Variants in CDC14B observed in about 807,000 individuals in gnomAD.
CDC14B encodes the protein dual specificity protein phosphatase CDC14B.
A neutral mutation model predicts 64.2 loss-of-function variants in CDC14B; 22 were observed. That is an observed-to-expected ratio of 0.34 (90% CI 0.24 to 0.49). The LOEUF (loss-of-function observed/expected upper bound fraction) is 0.49, where lower values mean the gene tolerates loss of function less well. Among genes scored for constraint, CDC14B ranks in the 20% least tolerant of loss-of-function variants. The pLI, the probability that CDC14B is intolerant of heterozygous loss-of-function variation, is 0.99. For missense variants in CDC14B, 498 were observed against 629.9 expected (o/e 0.79, Z 2.24); for synonymous variants, 191 against 215.8 (o/e 0.89, Z 1.01).
chr9:96,495,530 G>A (rs544236509), downstream of CDC14B, among the ~76,000 whole-genome samples: 37 of 152,288 alleles, frequency 2.4e-4, no homozygotes, highest in African/African-American at 7.9e-4. Flanking sequence ...CGGGTCTTGC[G>A]TCAGAGCAAC....
intron 12 of CDC14B, among the ~76,000 whole-genome samples, chr9:96,517,058 G>A (rs1180106319): frequency 4.0e-5 from 6 of 151,726 alleles, no homozygotes; most frequent in South Asian, 2.1e-4. Flanking sequence ...AACAGGGGTC[G>A]GCCGGGCGCA....
chr9:96,553,466 C>A (rs1842099226), intron 4 of CDC14B, among the ~76,000 whole-genome samples: 1 of 151,052 alleles, frequency 6.6e-6, no homozygotes, highest in Admixed American at 6.6e-5. Flanking sequence ...TCAAGCAATT[C>A]TCCTGCCTCA....
chr9:96,579,469 C>T (rs1398354474), intron 1 of CDC14B, among the ~76,000 whole-genome samples: 1 of 151,950 alleles, frequency 6.6e-6, no homozygotes, highest in East Asian at 1.9e-4. Context: ...GCCTGTAATC[C>T]CAGCTACTCA....
chr9:96,564,811 T>C lies in CDC14B; in HGVS notation c.293A>G (p.Tyr98Cys). ...CTTATTGATCTTGCAACAATATCTG[T>C]AAACCATTGCCAGATTGAGTGGTCC... ...DFGPLNLAMV[Y>C]RYCCKINKKL... The change falls in exon 3 of 14, where the codon TAC (tyrosine) becomes TGC (cysteine). Residue 98 changes from tyrosine (Y) to cysteine (C), a missense_variant. Tyr to Cys is a radical substitution (Grantham distance 194). Coordinates refer to ENST00000375241, the MANE Select transcript of CDC14B (RefSeq NM_033331.4). The C allele has an allele frequency of 6.2e-7, 1 of 1,604,644 alleles. No homozygotes were observed. Among genetic ancestry groups the C allele is most frequent in the Non-Finnish European group, 8.5e-7 (1 of 1,175,342 alleles).
chr9:96,553,526 T>G (rs1842109158), intron 4 of CDC14B, among the ~76,000 whole-genome samples: 1 of 151,622 alleles, frequency 6.6e-6, no homozygotes. Flanking sequence ...GCCTGGCTAG[T>G]TTTTTTGTAT....
At chr9:96,579,460 C>G (rs1333841423) in intron 1 of CDC14B, among the ~76,000 whole-genome samples, 2 of 151,996 alleles carry the variant, frequency 1.3e-5, no homozygotes, top group East Asian at 3.9e-4. Context: ...ATGGCGAGTG[C>G]CTGTAATCCC....
Position 96,515,794 on chromosome 9 carries a change from T to G in CDC14B, c.1344-6005A>C. On this transcript the variant is annotated intron_variant, in intron 12 of 13. Coordinates refer to ENST00000375241, the MANE Select transcript of CDC14B (RefSeq NM_033331.4). This position sits in a 1 kb window ranked among gnomAD's most constrained non-coding sequence, Gnocchi z 4.3. ...GAGGTCAGCACAGCTAGGGGACATC[T>G]GGAAAGGGGTGAAGGGGAAAGAACA... 6.3e-7 allele frequency: 1 copy of G among 1,587,992 alleles called. No individual in the cohort carries two copies. Among genetic ancestry groups the G allele is most frequent in the Non-Finnish European group, 8.6e-7 (1 of 1,168,196 alleles).
chr9:96,581,459 C>T (rs894614443), intron 1 of CDC14B, among the ~76,000 whole-genome samples: 9 of 134,890 alleles, frequency 6.7e-5, no homozygotes, highest in East Asian at 3.9e-4. Context: ...ATAGAGACCT[C>T]GTCTCTAAAA....
At chr9:96,590,818 C>T (rs749199091) in intron 1 of CDC14B, among the ~76,000 whole-genome samples, 21 of 152,252 alleles carry the variant, frequency 1.4e-4, no homozygotes, top group South Asian at 8.3e-4. Flanking sequence ...TCCACCTCAG[C>T]CTCCCAAGTA....
At chr9:96,514,717 C>T in intron 12 of CDC14B, 1 of 985,442 alleles carries the variant, frequency 1.0e-6, no homozygotes, top group Non-Finnish European at 1.2e-6. Context: ...AAGGAAAAAG[C>T]TTCAGAGAAG....
chr9:96,584,016 C>A (rs577290642), intron 1 of CDC14B, among the ~76,000 whole-genome samples: 2 of 152,046 alleles, frequency 1.3e-5, no homozygotes, highest in Non-Finnish European at 2.9e-5. Flanking sequence ...CCGCGCCTGG[C>A]GGTTGTGAGG....
At chr9:96,507,811 A>AAG (rs1290403955) in intron 13 of CDC14B, among the ~76,000 whole-genome samples, 2 of 152,174 alleles carry the variant, frequency 1.3e-5, no homozygotes, top group Non-Finnish European at 2.9e-5. Flanking sequence ...GACGATAAAA[A>AAG]AGAAAAAAAT....
chr9:96,534,898 A>G (rs898481668), intron 7 of CDC14B, among the ~76,000 whole-genome samples: 3 of 152,180 alleles, frequency 2.0e-5, no homozygotes, highest in African/African-American at 2.4e-5. Flanking sequence ...TTCCAGTATA[A>G]GGAATCTGGG....
rs1416824816 is a variant in CDC14B, at chr9:96,500,221, A to G, written c.*3532T>C. ...AAGATTTTCAAATGTGACAATATGT[A>G]TCAAACTACATACATATGCAAAGTT... On this transcript the variant is annotated 3_prime_UTR_variant, in exon 14 of 14. Transcript: ENST00000375241. The G allele has an allele frequency of 6.5e-6, 1 of 152,692 alleles. No individual in the cohort carries two copies. The highest frequency in any genetic ancestry group is 2.4e-5 in the African/African-American group (1 of 41,476). The allele number at this position is 152,692 out of a possible 1,614,324, so 9.5% of individuals were successfully genotyped here. A position where few individuals can be genotyped will look rare whatever the true frequency, so the allele number is the denominator to read the frequency against.
chr9:96,539,125 A>G lies in CDC14B; in HGVS notation c.580T>C (p.Phe194Leu). ...AGGTTAAATGAGTTGAAATTAAGGAAGCCATACTGCATTGCCTAAAATCCA... is the reference window on the plus strand; with the variant it reads ...AGGTTAAATGAGTTGAAATTAAGGAGGCCATACTGCATTGCCTAAAATCCA... ...HAVKKAMQYG[F>L]LNFNSFNLDE... The change falls in exon 7 of 14, where the codon TTC (phenylalanine) becomes CTC (leucine). Residue 194 changes from phenylalanine to leucine, a missense_variant. Coordinates refer to ENST00000375241, the MANE Select transcript of CDC14B (RefSeq NM_033331.4). 6.2e-7 allele frequency: 1 copy of G among 1,607,784 alleles called. No homozygotes were observed.
chr9:96,502,774 C>T lies in CDC14B; in HGVS notation c.*979G>A, dbSNP rs1833667036. The T allele has an allele frequency of 5.0e-6, 2 of 397,798 alleles. No homozygotes were observed. The highest frequency in any genetic ancestry group is 8.9e-6 in the Non-Finnish European group (2 of 225,648). 24.6% of individuals were successfully genotyped at this position (397,798 alleles called of 1,614,324 possible). On this transcript the variant is annotated 3_prime_UTR_variant, in exon 14 of 14. Transcript: ENST00000375241. Reference sequence around the variant, plus strand: ...AGATCATTGTCACTGAGATCGCAGGCCACGTCAATGGCCTTAGGTGGATCT... The same window carrying T: ...AGATCATTGTCACTGAGATCGCAGGTCACGTCAATGGCCTTAGGTGGATCT...
At chr9:96,615,092 C>T (rs955399006) in intron 1 of CDC14B, among the ~76,000 whole-genome samples, 28 of 152,292 alleles carry the variant, frequency 1.8e-4, no homozygotes, top group African/African-American at 6.5e-4. Context: ...CCACCCACCT[C>T]AGCCTCCCCA....
chr9:96,533,247 G>C (rs1838769895), intron 9 of CDC14B, among the ~76,000 whole-genome samples: 2 of 152,228 alleles, frequency 1.3e-5, no homozygotes, highest in South Asian at 4.1e-4. Context: ...GGGATTATAG[G>C]CGTGAGCCAC....
intron 1 of CDC14B, among the ~76,000 whole-genome samples, chr9:96,616,623 C>T (rs1363912954): frequency 6.6e-6 from 1 of 151,546 alleles, no homozygotes; most frequent in Non-Finnish European, 1.5e-5. Flanking sequence ...ACTTGGGAGG[C>T]TGAGGCAGGA....
Sources: allele counts gnomAD v4.1 joint callset (sites outside exome capture counted in the v4.1 genomes callset), GRCh38; gene constraint gnomAD v4.1.1; non-coding constraint Gnocchi (gnomAD v3.1); transcripts MANE v1.5; gene names NCBI Gene and HGNC (gene_info 2026-07-23, HGNC 2026-07-21).